The following DOCK3 variants were observed in gnomAD, a reference collection of about 807,000 sequenced individuals.
DOCK3 encodes dedicator of cytokinesis 3, also known as dedicator of cytokinesis protein 3.
A neutral mutation model predicts 265.6 loss-of-function variants in DOCK3; 60 were observed. That is an observed-to-expected ratio of 0.23 (90% CI 0.18 to 0.28). The LOEUF (loss-of-function observed/expected upper bound fraction) is 0.28. Among genes scored for constraint, DOCK3 ranks in the 10% least tolerant of loss-of-function variants. The probability of loss-of-function intolerance (pLI) is 1.00; values close to 1 mark genes in which losing one functional copy is unlikely to be tolerated. For synonymous variants in DOCK3, 881 were observed against 938.0 expected, an observed-to-expected ratio of 0.94 and a Z score of 1.11; for missense variants, 1,981 against 2,594.3, an observed-to-expected ratio of 0.76 and a Z score of 5.14.
chr3:50,945,359 CTTTAGTA>C (rs1321716810), intron 5 of DOCK3, among the ~76,000 whole-genome samples: 1 of 151,816 alleles, frequency 6.6e-6, no homozygotes, highest in African/African-American at 2.4e-5. Flanking sequence ...TAATATAATA[CTTTAGTA>C]TTTAGTATAA....
intron 1 of DOCK3, among the ~76,000 whole-genome samples, chr3:50,685,190 A>G (rs555991334): frequency 7.2e-4 from 109 of 152,346 alleles, no homozygotes; most frequent in African/African-American, 2.6e-3. Context: ...TAATACAGAT[A>G]TACTATCCTT....
In DOCK3 at chr3:51,381,709, T is replaced by C. The variant is rs1173154497; in HGVS notation, c.*150T>C. Reference sequence around the variant, plus strand: ...CCCCCAAGTCTCCGTTCTACTGCCGTGAACTCATGTGTTGCCATGTACAGA... The same window carrying C: ...CCCCCAAGTCTCCGTTCTACTGCCGCGAACTCATGTGTTGCCATGTACAGA... On this transcript the variant is annotated 3_prime_UTR_variant, in exon 53 of 53. Coordinates refer to ENST00000266037, the MANE Select transcript of DOCK3 (RefSeq NM_004947.5). This position sits in a 1 kb window ranked among gnomAD's most constrained non-coding sequence, Gnocchi z 5.6. 7.3e-6 allele frequency: 8 copies of C among 1,095,502 alleles called. No individual in the cohort carries two copies. The highest frequency in any genetic ancestry group is 1.0e-5 in the Non-Finnish European group (8 of 797,000). The allele number at this position is 1,095,502 out of a possible 1,614,324, so 67.9% of individuals were successfully genotyped here.
chr3:51,378,719 C>T (rs1439705895), intron 51 of DOCK3, among the ~76,000 whole-genome samples: 2 of 152,234 alleles, frequency 1.3e-5, no homozygotes, highest in Non-Finnish European at 2.9e-5. Context: ...CCCTCAGACC[C>T]CAAGGTCCAG....
chr3:51,192,261 A>G (rs2107854298), intron 12 of DOCK3, among the ~76,000 whole-genome samples: 1 of 151,470 alleles, frequency 6.6e-6, no homozygotes, highest in African/African-American at 2.4e-5. Context: ...TTTTTTTGGT[A>G]TATGGTGAGA....
At chr3:51,045,663 C>T (rs956298429) in intron 5 of DOCK3, among the ~76,000 whole-genome samples, 1 of 152,070 alleles carries the variant, frequency 6.6e-6, no homozygotes, top group Admixed American at 6.6e-5. Flanking sequence ...ATTTTTATTT[C>T]TCATCTTTTG....
chr3:51,277,011 C>A (rs1286273593), intron 25 of DOCK3, among the ~76,000 whole-genome samples: 2 of 152,130 alleles, frequency 1.3e-5, no homozygotes, highest in Non-Finnish European at 2.9e-5. Flanking sequence ...TTCAAATGGA[C>A]CCTGTAACAC....
chr3:51,217,533 A>G lies in DOCK3; in HGVS notation c.1252+3286A>G, dbSNP rs114751822. On this transcript the variant is annotated intron_variant, in intron 14 of 52. Transcript: ENST00000266037. The stretch of plus-strand genomic sequence containing the variant: ...ATTTAGCCATTTTTTAAAAAACTGA[A>G]CATGTAACCTTTTGTTAGTTGATCA... Among the ~76,000 whole-genome samples the G allele has an allele frequency of 4.0e-3, 605 of 152,284 alleles. 2 individuals carry two copies. The highest frequency in any genetic ancestry group is 7.2e-3 in the Non-Finnish European group (487 of 68,012).
intron 9 of DOCK3, among the ~76,000 whole-genome samples, chr3:51,107,009 G>A (rs1307453774): frequency 6.6e-6 from 1 of 152,220 alleles, no homozygotes; most frequent in Non-Finnish European, 1.5e-5. Flanking sequence ...CAGTGCAGCA[G>A]ATTCCTAATC....
Position 51,360,554 on chromosome 3 carries a change from C to T in DOCK3, c.4928C>T (p.Thr1643Ile), listed in dbSNP as rs1314026568. The T allele has an allele frequency of 6.2e-7, 1 of 1,613,072 alleles. No individual in the cohort carries two copies. Among genetic ancestry groups the T allele is most frequent in the Non-Finnish European group, 8.5e-7 (1 of 1,179,602 alleles). The stretch of plus-strand genomic sequence containing the variant: ...AAGCTAAGTCCTGCATGTTCAGGCA[C>T]CAGCACCCCACGGGGAAATGTTCTG... ...LDKLSPACSG[T>I]STPRGNVLAS... Residue 1643 changes from threonine (T) to isoleucine (I), a missense_variant, in exon 47 of 53, where the codon ACC (threonine) becomes ATC (isoleucine). Transcript: ENST00000266037.
chr3:50,981,004 T>G (rs2077669956), intron 5 of DOCK3, among the ~76,000 whole-genome samples: 1 of 152,198 alleles, frequency 6.6e-6, no homozygotes, highest in Admixed American at 6.5e-5. Flanking sequence ...ATTTTGGATT[T>G]GGTTTGTTCT....
At chr3:51,318,819 A>T (rs942680421) in intron 32 of DOCK3, among the ~76,000 whole-genome samples, 2 of 152,158 alleles carry the variant, frequency 1.3e-5, no homozygotes, top group Non-Finnish European at 2.9e-5. Context: ...CTTTGTTTAT[A>T]TAAATATATA....
chr3:51,365,556 T>G (rs1282718874), intron 49 of DOCK3, among the ~76,000 whole-genome samples: 1 of 152,262 alleles, frequency 6.6e-6, no homozygotes, highest in East Asian at 1.9e-4. Context: ...GGCATCCCTG[T>G]CCTGTGCCAG....
In DOCK3 at chr3:51,354,411, C is replaced by T. The variant is rs558513980; in HGVS notation, c.4108-471C>T. Among the ~76,000 whole-genome samples, 4 of 152,260 alleles carry T rather than the reference C, an allele frequency of 2.6e-5. No individual in the cohort carries two copies. In the South Asian group the frequency reaches 6.2e-4, roughly 24 times the overall value. On this transcript the variant is annotated intron_variant, in intron 40 of 52. Coordinates refer to ENST00000266037, the MANE Select transcript of DOCK3 (RefSeq NM_004947.5). ...TCAAGAGGGGCTGGCAGTGCCCCCT[C>T]TGCCCAACTGCTTCTACCAGTTCTC...
intron 4 of DOCK3, among the ~76,000 whole-genome samples, chr3:50,920,718 T>G (rs2050404316): frequency 6.6e-6 from 1 of 152,330 alleles, no homozygotes; most frequent in South Asian, 2.1e-4. Flanking sequence ...TTTATTGATT[T>G]TTTGAAGGGT....
At chr3:50,875,008 A>G (rs575056885) in intron 3 of DOCK3, among the ~76,000 whole-genome samples, 2 of 152,316 alleles carry the variant, frequency 1.3e-5, no homozygotes, top group South Asian at 2.1e-4. Context: ...GGAGTTGAAC[A>G]ATGAGAACAC....
chr3:50,732,546 G>A (rs927878508), intron 1 of DOCK3, among the ~76,000 whole-genome samples: 7 of 152,034 alleles, frequency 4.6e-5, no homozygotes, highest in African/African-American at 1.7e-4. Flanking sequence ...CTAGGACTAC[G>A]GGTGCACACC....
chr3:51,154,695 G>C (rs4256170), intron 10 of DOCK3, among the ~76,000 whole-genome samples: 2 of 152,190 alleles, frequency 1.3e-5, no homozygotes, highest in Non-Finnish European at 2.9e-5. Flanking sequence ...CTGCGTGCAT[G>C]TACTGTCTTT....
chr3:51,309,598 GGGGAGAGGGAGAGGGAGA>G (rs575505682), intron 27 of DOCK3, among the ~76,000 whole-genome samples: 1 of 149,640 alleles, frequency 6.7e-6, no homozygotes, highest in Non-Finnish European at 1.5e-5. Flanking sequence ...GGGAGACCGT[GGGGAGAGGGAGAGGGAGA>G]GGGAGAGCGA....
At chr3:50,711,849 A>AT (rs1469955617) in intron 1 of DOCK3, among the ~76,000 whole-genome samples, 3 of 152,094 alleles carry the variant, frequency 2.0e-5, no homozygotes, top group African/African-American at 7.2e-5. Flanking sequence ...AAAAGTACTA[A>AT]TTTGATCTTT....
Sources: gnomAD v4.1 joint callset for allele counts (sites outside exome capture counted in the v4.1 genomes callset) on GRCh38, gnomAD v4.1.1 for gene constraint, Gnocchi (gnomAD v3.1) non-coding constraint, MANE v1.5 for transcripts, NCBI Gene and HGNC (gene_info 2026-07-23, HGNC 2026-07-21) for gene names.